The following LACTB2 variants were observed in gnomAD, a reference collection of about 807,000 sequenced individuals.
LACTB2 encodes endoribonuclease LACTB2.
Under a neutral mutation model 34.8 loss-of-function variants are expected in LACTB2, and 32 were observed. That is an observed-to-expected ratio of 0.92 (90% CI 0.69 to 1.24). LACTB2 has a LOEUF of 1.24. LACTB2 is among the 50% of genes most tolerant of loss of function. The pLI is 0.00. For synonymous variants in LACTB2, 120 were observed against 117.5 expected, an observed-to-expected ratio of 1.02 and a Z score of -0.14; for missense variants, 320 against 345.0, an observed-to-expected ratio of 0.93 and a Z score of 0.57.
chr8:70,648,376 A>G (rs1488643325), intron 3 of LACTB2, among the ~76,000 whole-genome samples: 4 of 152,190 alleles, frequency 2.6e-5, no homozygotes, highest in Non-Finnish European at 4.4e-5. Flanking sequence ...ACAGAATATA[A>G]TATCCTCAGC....
At chr8:70,652,547 G>A (rs185612451) in intron 3 of LACTB2, 1 of 152,090 alleles carries the variant, frequency 6.6e-6, no homozygotes, top group Non-Finnish European at 1.5e-5. Flanking sequence ...TCCCATCAGA[G>A]TACAGTAAAA....
chr8:70,648,469 T>G (rs1386088972), intron 3 of LACTB2, among the ~76,000 whole-genome samples: 1 of 151,892 alleles, frequency 6.6e-6, no homozygotes, highest in East Asian at 1.9e-4. Context: ...TTCTGAAAAT[T>G]ACAAATCTGA....
At chr8:70,659,630 A>T (rs1238233701) in intron 2 of LACTB2, among the ~76,000 whole-genome samples, 1 of 152,228 alleles carries the variant, frequency 6.6e-6, no homozygotes, top group Non-Finnish European at 1.5e-5. Context: ...TTTTGTTTAT[A>T]AGCTGTATAA....
chr8:70,662,301 C>T (rs1466534013), intron 1 of LACTB2: 2 of 155,404 alleles, frequency 1.3e-5, no homozygotes, highest in African/African-American at 4.8e-5. Flanking sequence ...CTTTCAAACC[C>T]AGGTATTCTG....
intron 3 of LACTB2, among the ~76,000 whole-genome samples, chr8:70,651,654 CTGTGATATAAACACAGAAAACAATT>C (rs1378711904): frequency 7.4e-6 from 1 of 134,432 alleles, no homozygotes; most frequent in Admixed American, 7.1e-5. Context: ...TAACTGTTTT[CTGTGATATAAACACAGAAAACAATT>C]TGTTTTTCTG....
intron 3 of LACTB2, among the ~76,000 whole-genome samples, chr8:70,655,844 G>A (rs959452355): frequency 3.9e-5 from 6 of 152,058 alleles, no homozygotes; most frequent in Non-Finnish European, 7.4e-5. Flanking sequence ...CCTGTTCACC[G>A]CATCCACACC....
At chr8:70,640,019 G>A (rs560305517) in intron 5 of LACTB2, among the ~76,000 whole-genome samples, 6 of 152,226 alleles carry the variant, frequency 3.9e-5, no homozygotes, top group East Asian at 1.9e-4. Flanking sequence ...GGTGTGCAAC[G>A]GTGCGATGTA....
At chr8:70,663,336 G>A (rs184541166) in intron 1 of LACTB2, 2 of 152,324 alleles carry the variant, frequency 1.3e-5, no homozygotes, top group Admixed American at 6.5e-5. Flanking sequence ...CCTACTCCCT[G>A]AGACCCAGAG....
At chr8:70,648,456 A>C (rs1034254330) in intron 3 of LACTB2, among the ~76,000 whole-genome samples, 1 of 152,212 alleles carries the variant, frequency 6.6e-6, no homozygotes, top group Non-Finnish European at 1.5e-5. Flanking sequence ...GGGAACAAAA[A>C]GTTTCTGAAA....
At chr8:70,645,008 A>C (rs1339418370) in intron 3 of LACTB2, among the ~76,000 whole-genome samples, 1 of 151,978 alleles carries the variant, frequency 6.6e-6, no homozygotes, top group African/African-American at 2.4e-5. Context: ...ATCTTAACTT[A>C]CTATATTGTA....
At chr8:70,657,130 T>G (rs778902833) in intron 3 of LACTB2, among the ~76,000 whole-genome samples, 73 of 152,180 alleles carry the variant, frequency 4.8e-4, no homozygotes, top group Admixed American at 9.8e-4. Flanking sequence ...TTATTTAATT[T>G]AGGTATGGGT....
At chr8:70,662,278 A>G (rs1197952706) in intron 1 of LACTB2, 2 of 156,298 alleles carry the variant, frequency 1.3e-5, no homozygotes, top group Non-Finnish European at 2.8e-5. Flanking sequence ...CTACAGATAA[A>G]TGGCAGAAAC....
At chr8:70,662,467 T>C (rs1265495641) in intron 1 of LACTB2, 9 of 152,342 alleles carry the variant, frequency 5.9e-5, no homozygotes, top group Non-Finnish European at 4.4e-5. Flanking sequence ...AAGTTTTATA[T>C]TAGCACCCTG....
At position 70,657,814 on chromosome 8, in the gene LACTB2, G is replaced by T; in HGVS notation, c.355C>A (p.Gln119Lys). The change falls in exon 3 of 7, where the codon CAA (glutamine) becomes AAA (lysine). Residue 119 changes from glutamine (Q) to lysine (K), a missense_variant. Transcript: ENST00000276590. ...QREEIIGNGE[Q>K]QYVYLKDGDV... ...CCATCTTTCAGATAAACATATTGTT[G>T]CTCTCCATTTCCTATAATTTCTTCT... The T allele has an allele frequency of 6.2e-7, 1 of 1,611,942 alleles. No homozygotes were observed. Among genetic ancestry groups the T allele is most frequent in the East Asian group, 2.2e-5 (1 of 44,846 alleles).
chr8:70,667,471 T>C (rs1425139241), intron 1 of LACTB2, among the ~76,000 whole-genome samples: 1 of 152,234 alleles, frequency 6.6e-6, no homozygotes, highest in African/African-American at 2.4e-5. Flanking sequence ...CTAGTTCAAC[T>C]ATATGGAGAA....
chr8:70,660,081 C>T (rs1469056856), intron 2 of LACTB2: 1 of 151,382 alleles, frequency 6.6e-6, no homozygotes, highest in African/African-American at 2.4e-5. Flanking sequence ...GCTGAGGTGA[C>T]AAAGCTAATT....
At chr8:70,660,793 T>C (rs1425270431) in intron 2 of LACTB2, 1 of 456,210 alleles carries the variant, frequency 2.2e-6, no homozygotes, top group Non-Finnish European at 4.4e-6. Context: ...GATCTATTTT[T>C]TTCCCTTTTT....
At chr8:70,668,833 C>G (rs1414574850) in intron 1 of LACTB2, among the ~76,000 whole-genome samples, 166 bp downstream of exon 1, 1 of 147,818 alleles carries the variant, frequency 6.8e-6, no homozygotes, top group Non-Finnish European at 1.5e-5. Context: ...TAGCTAGCTT[C>G]GAGATCCGAG....
intron 3 of LACTB2, among the ~76,000 whole-genome samples, chr8:70,648,214 CTCTGTAGTTTCCA>C (rs1250667831): frequency 1.3e-5 from 2 of 152,248 alleles, no homozygotes; most frequent in Non-Finnish European, 2.9e-5. Flanking sequence ...TCCCAAACAG[CTCTGTAGTTTCCA>C]TCAGAACACA....
Sources: gnomAD v4.1 joint callset for allele counts (sites outside exome capture counted in the v4.1 genomes callset) on GRCh38, gnomAD v4.1.1 for gene constraint, MANE v1.5 for transcripts, NCBI Gene and HGNC (gene_info 2026-07-23, HGNC 2026-07-21) for gene names.